Variants in AGBL4 observed in about 807,000 individuals in gnomAD.
AGBL4 encodes cytosolic carboxypeptidase 6.
In AGBL4, 58 loss-of-function variants were observed where a neutral mutation model predicts 66.4. That is an observed-to-expected ratio of 0.87 (90% confidence interval 0.71 to 1.09). The LOEUF (loss-of-function observed/expected upper bound fraction) is 1.09. Ranked by LOEUF, AGBL4 falls within the 50% of genes least tolerant of loss-of-function variation. AGBL4 has a pLI of 0.00. For synonymous variants in AGBL4, 234 were observed against 222.9 expected (o/e 1.05, Z -0.44); for missense variants, 579 against 631.0 (o/e 0.92, Z 0.88).
At chr1:49,574,043 A>T (rs1277882292) in intron 3 of AGBL4, among the ~76,000 whole-genome samples, 1 of 152,074 alleles carries the variant, frequency 6.6e-6, no homozygotes, top group Non-Finnish European at 1.5e-5. Context: ...AATAATGTTG[A>T]TTCTCTTCAG....
intron 5 of AGBL4, among the ~76,000 whole-genome samples, chr1:48,986,305 T>C (rs1660170864): frequency 6.6e-6 from 1 of 151,966 alleles, no homozygotes. Flanking sequence ...ACTGGCTGAT[T>C]AAAGAAACTC....
intron 3 of AGBL4, among the ~76,000 whole-genome samples, chr1:49,286,694 T>C (rs1365303062): frequency 2.0e-5 from 3 of 151,680 alleles, no homozygotes; most frequent in Admixed American, 6.6e-5. Flanking sequence ...TACAAACCAC[T>C]GCTCAAGGAA....
intron 5 of AGBL4, among the ~76,000 whole-genome samples, chr1:48,994,138 T>C (rs986884073): frequency 8.5e-5 from 13 of 152,180 alleles, no homozygotes; most frequent in African/African-American, 2.9e-4. Flanking sequence ...TCTACTTCTT[T>C]CCCACCTGTA....
chr1:49,838,309 C>T (rs1039620158), intron 2 of AGBL4, among the ~76,000 whole-genome samples: 19 of 152,120 alleles, frequency 1.2e-4, no homozygotes, highest in African/African-American at 4.6e-4. Context: ...GCTGGAGATG[C>T]CACCCAAAGG....
At chr1:49,322,083 T>C (rs1373591888) in intron 3 of AGBL4, among the ~76,000 whole-genome samples, 3 of 152,196 alleles carry the variant, frequency 2.0e-5, no homozygotes, top group Non-Finnish European at 4.4e-5. Context: ...TGAGCATTGC[T>C]CTGTTAAATA....
intron 3 of AGBL4, among the ~76,000 whole-genome samples, chr1:49,380,893 A>C (rs376071502): frequency 6.6e-6 from 1 of 152,058 alleles, no homozygotes; most frequent in Non-Finnish European, 1.5e-5. Flanking sequence ...ATAAAAACCC[A>C]AGAAGAAAAC....
intron 9 of AGBL4, among the ~76,000 whole-genome samples, chr1:48,594,432 G>C (rs1478471821): frequency 6.6e-6 from 1 of 151,858 alleles, no homozygotes; most frequent in Non-Finnish European, 1.5e-5. Context: ...CGGATTGTTG[G>C]GCTTTATTTC....
chr1:48,767,081 A>G (rs1169425376), intron 6 of AGBL4, among the ~76,000 whole-genome samples: 3 of 152,220 alleles, frequency 2.0e-5, no homozygotes, highest in African/African-American at 7.2e-5. Flanking sequence ...CAGTGTCATC[A>G]TAACAAATGG....
chr1:48,653,690 G>T (rs1396164043), intron 7 of AGBL4, among the ~76,000 whole-genome samples: 2 of 152,194 alleles, frequency 1.3e-5, no homozygotes, highest in Non-Finnish European at 2.9e-5. Flanking sequence ...GCAGGAGGGA[G>T]AGAGCATTTC....
rs746913812 is a variant in AGBL4 at position 48,533,911 on chromosome 1, A to G, written c.*262T>C. ...GTTTTCCTCATCTTGGAAGATCTCT[A>G]TGTTGTAGAAAATAGCATCTGTGCT... On this transcript the variant is annotated 3_prime_UTR_variant, in exon 14 of 14. Transcript: ENST00000371839. 1.2e-5 allele frequency: 6 copies of G among 484,910 alleles called. No homozygotes were observed. Among genetic ancestry groups the G allele is most frequent in the Non-Finnish European group, 1.9e-5 (5 of 266,732 alleles). 30.0% of individuals were successfully genotyped at this position (484,910 alleles called of 1,614,324 possible).
chr1:49,211,192 T>C (rs959010916), intron 4 of AGBL4, among the ~76,000 whole-genome samples: 2 of 152,134 alleles, frequency 1.3e-5, no homozygotes, highest in Non-Finnish European at 1.5e-5. Flanking sequence ...CATAGGATAA[T>C]CATAGTTTCT....
chr1:49,940,828 G>A (rs1258727489), intron 1 of AGBL4, among the ~76,000 whole-genome samples: 1 of 151,720 alleles, frequency 6.6e-6, no homozygotes, highest in Non-Finnish European at 1.5e-5. Context: ...TTGTGCACAT[G>A]TACCCTAAAA....
intron 3 of AGBL4, among the ~76,000 whole-genome samples, chr1:49,561,390 T>C (rs1249451556): frequency 6.6e-6 from 1 of 151,908 alleles, no homozygotes; most frequent in Non-Finnish European, 1.5e-5. Flanking sequence ...ATGTGCCATG[T>C]TGGTGTGCTG....
chr1:48,646,781 G>A (rs983571660), intron 8 of AGBL4, among the ~76,000 whole-genome samples: 4 of 152,102 alleles, frequency 2.6e-5, no homozygotes, highest in African/African-American at 7.2e-5. Context: ...ACTAGGGCAA[G>A]TTCCGTGGTA....
chr1:48,649,273 T>G (rs182697239), intron 8 of AGBL4, among the ~76,000 whole-genome samples: 1 of 152,318 alleles, frequency 6.6e-6, no homozygotes, highest in East Asian at 1.9e-4. Context: ...CACTATATAT[T>G]GCGATCCCTG....
chr1:49,252,623 T>A (rs1652166363), intron 3 of AGBL4, among the ~76,000 whole-genome samples: 1 of 152,032 alleles, frequency 6.6e-6, no homozygotes, highest in South Asian at 2.1e-4. Flanking sequence ...TCCTCCAAGG[T>A]TAAAATGAAA....
intron 4 of AGBL4, among the ~76,000 whole-genome samples, chr1:49,195,711 G>C (rs1647221517): frequency 6.6e-6 from 1 of 152,058 alleles, no homozygotes; most frequent in South Asian, 2.1e-4. Context: ...TGCTAGACTA[G>C]GGAAATTTTT....
At chr1:48,937,942 A>AG (rs575382899) in intron 5 of AGBL4, among the ~76,000 whole-genome samples, 16 of 152,202 alleles carry the variant, frequency 1.1e-4, no homozygotes, top group Non-Finnish European at 1.6e-4. Context: ...CCTGGGTTTT[A>AG]ATTGCAGTTC....
chr1:49,359,722 T>C (rs140955662), intron 3 of AGBL4, among the ~76,000 whole-genome samples: 6 of 152,210 alleles, frequency 3.9e-5, no homozygotes, highest in Middle Eastern at 3.4e-3. Flanking sequence ...AGTCCTTACT[T>C]TACCCAGTCC....
Sources: allele counts gnomAD v4.1 joint callset (sites outside exome capture counted in the v4.1 genomes callset), GRCh38; gene constraint gnomAD v4.1.1; transcripts MANE v1.5; gene names NCBI Gene and HGNC (gene_info 2026-07-23, HGNC 2026-07-21).